The following FBXO31 variants were observed in gnomAD, a reference collection of about 807,000 sequenced individuals.
FBXO31 encodes the protein F-box only protein 31.
A neutral mutation model predicts 54.4 loss-of-function variants in FBXO31; 24 were observed. The ratio of observed to expected loss-of-function variants is 0.44; its 90% confidence interval spans 0.32 to 0.62. The LOEUF is 0.62. FBXO31 is among the 20% of genes least tolerant of loss of function. The pLI, the probability that FBXO31 is intolerant of heterozygous loss-of-function variation, is 0.05. For missense variants in FBXO31, 665 were observed against 787.1 expected (o/e 0.84, Z 1.86); for synonymous variants, 388 against 335.6 (o/e 1.16, Z -1.71).
intron 1 of FBXO31, among the ~76,000 whole-genome samples, chr16:87,369,658 C>G (rs918641741): frequency 6.6e-6 from 1 of 152,290 alleles, no homozygotes; most frequent in Middle Eastern, 3.4e-3. Context: ...ATCTGAGTCC[C>G]TTCCTTTCTT....
chr16:87,362,593 C>T (rs1162551719), intron 1 of FBXO31: 1 of 152,260 alleles, frequency 6.6e-6, no homozygotes, highest in Non-Finnish European at 1.5e-5. Flanking sequence ...TGGAGTCTCG[C>T]TCTGTTGCCC....
Position 87,383,726 on chromosome 16 carries a change from G to C in FBXO31, c.19C>G (p.Leu7Val), listed in dbSNP as rs1328926320. ...CCGCGCGACGGGCCCACGCCGCAAA[G>C]GCGAGCACACACCGCCATGCCGCCC... MAVCAR[L>V]CGVGPSRGCR... The change falls in exon 1 of 9, where the codon CTT (leucine) becomes GTT (valine). Residue 7 changes from leucine (L) to valine (V), a missense_variant. By Grantham distance (32) the Leu-to-Val change is conservative (BLOSUM62 1). This residue lies in a region of FBXO31 where 195 missense variants were observed against 174.8 expected (regional missense o/e 1.12). Transcript: ENST00000311635. This position sits in a 1 kb window ranked among gnomAD's most constrained non-coding sequence, Gnocchi z 4.9. 1.5e-5 allele frequency: 18 copies of C among 1,233,636 alleles called. No individual in the cohort carries two copies. The highest frequency in any genetic ancestry group is 4.4e-5 in the Admixed American group (1 of 22,618). The allele number at this position is 1,233,636 out of a possible 1,614,324, so 76.4% of individuals were successfully genotyped here.
intron 1 of FBXO31, among the ~76,000 whole-genome samples, chr16:87,374,573 G>A (rs1156965143): frequency 6.6e-6 from 1 of 152,158 alleles, no homozygotes; most frequent in Admixed American, 6.5e-5. Context: ...TATTTCTAGC[G>A]ATGATGAAAT....
chr16:87,368,403 C>G (rs1301875605), intron 1 of FBXO31, among the ~76,000 whole-genome samples: 1 of 152,158 alleles, frequency 6.6e-6, no homozygotes, highest in Non-Finnish European at 1.5e-5. Context: ...GGGAAACTGC[C>G]CTTAACACAG....
At position 87,343,708 on chromosome 16, in the gene FBXO31, C is replaced by T. The variant is rs775309853; in HGVS notation, c.547G>A (p.Asp183Asn). 6 of 1,614,128 alleles carry T rather than the reference C, an allele frequency of 3.7e-6. No individual in the cohort carries two copies. The highest frequency in any genetic ancestry group is 1.1e-5 in the South Asian group (1 of 91,092). The change falls in exon 4 of 9, where the codon GAT becomes AAT. Residue 183 changes from aspartate to asparagine, a missense_variant. Asp to Asn is a conservative substitution (Grantham distance 23, BLOSUM62 1). Transcript: ENST00000311635. ...AGAGGCTTGAATCTCATAGGGTCAT[C>T]GACGTGGGGGTCATGGGGAGGCAGG... ...MYLPPHDPHVDDPMRFKPLFR... is the reference protein window; with the variant it reads ...MYLPPHDPHVNDPMRFKPLFR...
In FBXO31 at chr16:87,334,117, C is replaced by A; in HGVS notation, c.1166G>T (p.Gly389Val). ...QEQQEGGHEA[G>V]EGRGRQGPRE... ...GGGGCCCTGCCGGCCACGACCCTCG[C>A]CCGCCTCGTGCCCGCCTTCCTGCTG... Residue 389 changes from glycine (G) to valine (V), a missense_variant, in exon 8 of 9, where the codon GGC becomes GTC. Coordinates refer to ENST00000311635, the MANE Select transcript of FBXO31 (RefSeq NM_024735.5). The A allele has an allele frequency of 6.2e-7, 1 of 1,610,980 alleles. No individual in the cohort carries two copies. The highest frequency in any genetic ancestry group is 1.1e-5 in the South Asian group (1 of 90,928).
At chr16:87,360,215 TTTGA>T (rs1906072671) in intron 2 of FBXO31, 76 bp downstream of exon 2, 4 of 1,345,224 alleles carry the variant, frequency 3.0e-6, no homozygotes, top group Middle Eastern at 1.8e-4. Flanking sequence ...ACTAAATCAC[TTTGA>T]TTATTTGTCA....
At position 87,331,127 on chromosome 16, in the gene FBXO31, C is replaced by T; in HGVS notation, c.*161G>A. 1.6e-6 allele frequency: 1 copy of T among 637,014 alleles called. No individual in the cohort carries two copies. Among genetic ancestry groups the T allele is most frequent in the South Asian group, 1.9e-5 (1 of 51,794 alleles). The allele number at this position is 637,014 out of a possible 1,614,324, so 39.5% of individuals were successfully genotyped here. A position where few individuals can be genotyped will look rare whatever the true frequency, so the allele number is the denominator to read the frequency against. On this transcript the variant is annotated 3_prime_UTR_variant, in exon 9 of 9. Transcript: ENST00000311635. ...GACAAATATGCAGGTCTATGTCACA[C>T]TCTCTACATAAAGTGCTGGGGGGTG...
rs144469021 is a variant in FBXO31 at position 87,327,976 on chromosome 16, G to A, written c.*3312C>T. ...GGTGGACCACAGCTCAGCATCTCCT[G>A]TTCGCACCCAAGACCCCACGGCCAT... is the stretch of plus-strand genomic sequence containing the variant. On this transcript the variant is annotated 3_prime_UTR_variant, in exon 9 of 9. Coordinates refer to ENST00000311635, the MANE Select transcript of FBXO31 (RefSeq NM_024735.5). 4 of 152,360 alleles carry A rather than the reference G, an allele frequency of 2.6e-5. No individual in the cohort carries two copies. Among genetic ancestry groups the A allele is most frequent in the African/African-American group, 7.2e-5 (3 of 41,582 alleles). The allele number at this position is 152,360 out of a possible 1,614,324, so 9.4% of individuals were successfully genotyped here.
At chr16:87,347,031 G>A (rs1002639835) in intron 3 of FBXO31, 143 bp downstream of exon 3, 26 of 757,500 alleles carry the variant, frequency 3.4e-5, no homozygotes, top group Non-Finnish European at 3.5e-5. Context: ...CCTGAAAAGT[G>A]ACAGAGCAAG....
chr16:87,364,352 G>A (rs1468961589), intron 1 of FBXO31, among the ~76,000 whole-genome samples: 1 of 152,218 alleles, frequency 6.6e-6, no homozygotes, highest in Non-Finnish European at 1.5e-5. Context: ...AGAATCACAG[G>A]GCACTCTAGT....
chr16:87,365,754 C>T (rs376991120), intron 1 of FBXO31, among the ~76,000 whole-genome samples: 2 of 152,232 alleles, frequency 1.3e-5, no homozygotes, highest in South Asian at 2.1e-4. Flanking sequence ...GGGTGTAGGC[C>T]GGGCAAGGTG....
chr16:87,340,112 G>C (rs1409202236), intron 5 of FBXO31, among the ~76,000 whole-genome samples: 1 of 152,178 alleles, frequency 6.6e-6, no homozygotes, highest in African/African-American at 2.4e-5. Flanking sequence ...GGGAAAACCT[G>C]TCTCCGCTAA....
At chr16:87,337,887 A>T (rs987313064) in intron 5 of FBXO31, among the ~76,000 whole-genome samples, 14 of 152,154 alleles carry the variant, frequency 9.2e-5, no homozygotes, top group African/African-American at 3.1e-4. Flanking sequence ...AATTTTTAGG[A>T]CTTTTTTAGG....
chr16:87,381,541 C>A (rs1907076886), intron 1 of FBXO31, among the ~76,000 whole-genome samples: 1 of 152,226 alleles, frequency 6.6e-6, no homozygotes, highest in Admixed American at 6.5e-5. Flanking sequence ...CCCAAGTCAG[C>A]TGACTCCAAA....
intron 1 of FBXO31, among the ~76,000 whole-genome samples, chr16:87,370,060 C>A (rs1416512549): frequency 6.6e-6 from 1 of 152,170 alleles, no homozygotes; most frequent in Non-Finnish European, 1.5e-5. Context: ...TTACTGGAAA[C>A]CCCGTCCCTG....
intron 2 of FBXO31, among the ~76,000 whole-genome samples, chr16:87,356,178 G>C (rs1905882279): frequency 1.3e-5 from 2 of 148,882 alleles, no homozygotes; most frequent in Non-Finnish European, 3.0e-5. Context: ...GTAGTGAGCT[G>C]AGATCACACC....
At position 87,383,309 on chromosome 16, in the gene FBXO31, C is replaced by T; in HGVS notation, c.340+96G>A. 1.7e-6 allele frequency: 2 copies of T among 1,202,004 alleles called. No individual in the cohort carries two copies. The highest frequency in any genetic ancestry group is 1.1e-6 in the Non-Finnish European group (1 of 903,760). The allele number at this position is 1,202,004 out of a possible 1,614,324, so 74.5% of individuals were successfully genotyped here. ...GGCCCCGCGCCCAACTGGTGGCCCCCGGCCGGGGCCACCGCCCCCGCCACT... is the reference window on the plus strand; with the variant it reads ...GGCCCCGCGCCCAACTGGTGGCCCCTGGCCGGGGCCACCGCCCCCGCCACT... On this transcript the variant is annotated intron_variant, in intron 1 of 8. Coordinates refer to ENST00000311635, the MANE Select transcript of FBXO31 (RefSeq NM_024735.5). This position sits in a 1 kb window ranked among gnomAD's most constrained non-coding sequence, Gnocchi z 4.9.
chr16:87,353,000 G>A (rs1221950739), intron 2 of FBXO31, among the ~76,000 whole-genome samples: 1 of 152,192 alleles, frequency 6.6e-6, no homozygotes, highest in Non-Finnish European at 1.5e-5. Context: ...TTTGTGGGTG[G>A]ATGCCCCTCA....
Sources: allele counts gnomAD v4.1 joint callset (sites outside exome capture counted in the v4.1 genomes callset), GRCh38; gene constraint gnomAD v4.1.1; regional missense constraint gnomAD v4.1.1; non-coding constraint Gnocchi (gnomAD v3.1); transcripts MANE v1.5; gene names NCBI Gene and HGNC (gene_info 2026-07-23, HGNC 2026-07-21).